The following DLG2 variants were observed in gnomAD, a reference collection of about 807,000 sequenced individuals.
DLG2 encodes discs large MAGUK scaffold protein 2.
DLG2 carries 45 observed loss-of-function variants against 132.5 expected under a neutral mutation model. The ratio of observed to expected loss-of-function variants is 0.34; its 90% CI spans 0.27 to 0.44. The LOEUF is 0.44. DLG2 is among the 20% of genes least tolerant of loss of function. The probability of loss-of-function intolerance (pLI) is 1.00; values close to 1 mark genes in which losing one functional copy is unlikely to be tolerated. For missense variants in DLG2, 1,045 were observed against 1,196.9 expected (o/e 0.87, Z 1.87); for synonymous variants, 424 against 419.6 (o/e 1.01, Z -0.13).
chr11:83,962,763 A>G, intron 14 of DLG2, 122 bp downstream of exon 14: 2 of 1,286,454 alleles, frequency 1.6e-6, no homozygotes, highest in South Asian at 1.5e-5. Context: ...CAAAACTACA[A>G]TAAGGTTGAA....
At chr11:83,946,092 C>A (rs115629247) in intron 14 of DLG2, among the ~76,000 whole-genome samples, 1 of 150,922 alleles carries the variant, frequency 6.6e-6, no homozygotes, top group Non-Finnish European at 1.5e-5. Context: ...CAGGTTCTAG[C>A]AATTCTCCTG....
At chr11:84,190,941 C>T (rs1440448229) in intron 8 of DLG2, among the ~76,000 whole-genome samples, 4 of 152,156 alleles carry the variant, frequency 2.6e-5, no homozygotes, top group African/African-American at 4.8e-5. Context: ...GTATTGCACA[C>T]ATCAAAATAA....
chr11:84,858,049 CA>C (rs1214916508), intron 6 of DLG2, among the ~76,000 whole-genome samples: 1 of 151,932 alleles, frequency 6.6e-6, no homozygotes, highest in Non-Finnish European at 1.5e-5. Flanking sequence ...CATGCCATCA[CA>C]GCTGGCTAAT....
intron 3 of DLG2, among the ~76,000 whole-genome samples, chr11:85,596,777 T>C (rs558381770): frequency 1.2e-4 from 18 of 152,192 alleles, no homozygotes; most frequent in Non-Finnish European, 2.2e-4. Context: ...GATGCACAAG[T>C]CTACATGGCT....
chr11:85,459,040 C>A (rs962123034), intron 3 of DLG2, among the ~76,000 whole-genome samples: 2 of 152,186 alleles, frequency 1.3e-5, no homozygotes, highest in African/African-American at 4.8e-5. Flanking sequence ...TAGGAAGGCC[C>A]GCCTGGTGAT....
intron 17 of DLG2, among the ~76,000 whole-genome samples, chr11:83,807,713 A>C (rs1330860861): frequency 6.6e-6 from 1 of 152,166 alleles, no homozygotes; most frequent in East Asian, 1.9e-4. Flanking sequence ...TAATAAAGAT[A>C]ATACTAGTTA....
chr11:84,237,318 A>G (rs1269857007), intron 8 of DLG2, among the ~76,000 whole-genome samples: 1 of 152,138 alleles, frequency 6.6e-6, no homozygotes, highest in Non-Finnish European at 1.5e-5. Flanking sequence ...AGTATTAGCA[A>G]TTTGCTTTAA....
chr11:85,304,028 A>G (rs1420709031), intron 3 of DLG2, among the ~76,000 whole-genome samples: 1 of 152,196 alleles, frequency 6.6e-6, no homozygotes, highest in African/African-American at 2.4e-5. Context: ...CCTTTTTGTC[A>G]AACAAAATCT....
At chr11:85,208,677 A>C (rs1458548067) in intron 4 of DLG2, among the ~76,000 whole-genome samples, 1 of 152,126 alleles carries the variant, frequency 6.6e-6, no homozygotes, top group Non-Finnish European at 1.5e-5. Context: ...AGCCAGGTTA[A>C]ATGAATTTCA....
chr11:84,803,841 T>C (rs1361958379), intron 6 of DLG2, among the ~76,000 whole-genome samples: 1 of 152,202 alleles, frequency 6.6e-6, no homozygotes, highest in East Asian at 1.9e-4. Context: ...ATCTGAAATG[T>C]TGCTTTCTGA....
At chr11:83,504,445 A>G (rs892346760) in intron 21 of DLG2, among the ~76,000 whole-genome samples, 1 of 152,178 alleles carries the variant, frequency 6.6e-6, no homozygotes, top group Admixed American at 6.5e-5. Flanking sequence ...TCCATTATGA[A>G]GTAGTAGACT....
At chr11:85,604,311 C>T (rs778127623) in intron 2 of DLG2, among the ~76,000 whole-genome samples, 1 of 152,150 alleles carries the variant, frequency 6.6e-6, no homozygotes, top group Non-Finnish European at 1.5e-5. Flanking sequence ...ATGATCATCA[C>T]CTGGAGTCAA....
intron 4 of DLG2, among the ~76,000 whole-genome samples, chr11:85,222,310 T>A (rs552758980): frequency 5.3e-4 from 80 of 152,152 alleles, no homozygotes; most frequent in Non-Finnish European, 1.0e-3. Context: ...TCCTAAGTCA[T>A]AGACCCATTT....
intron 19 of DLG2, among the ~76,000 whole-genome samples, chr11:83,628,550 C>T (rs940748608): frequency 1.4e-4 from 21 of 152,090 alleles, no homozygotes; most frequent in African/African-American, 4.8e-4. Flanking sequence ...GGCAATATCC[C>T]CTGAATCATA....
At chr11:85,388,786 C>G (rs920528907) in intron 3 of DLG2, among the ~76,000 whole-genome samples, 2 of 152,124 alleles carry the variant, frequency 1.3e-5, no homozygotes, top group African/African-American at 4.8e-5. Context: ...AGCCCCATCC[C>G]TAGGAGAAAC....
intron 7 of DLG2, among the ~76,000 whole-genome samples, chr11:84,344,336 G>T (rs1600265835): frequency 6.6e-6 from 1 of 152,190 alleles, no homozygotes; most frequent in Middle Eastern, 3.4e-3. Flanking sequence ...CCTACTATGA[G>T]GGCTTTTGGA....
intron 14 of DLG2, among the ~76,000 whole-genome samples, chr11:83,941,013 C>T (rs1368733497): frequency 1.3e-5 from 2 of 152,192 alleles, no homozygotes; most frequent in Non-Finnish European, 2.9e-5. Context: ...TCATGAGAGA[C>T]GATTCCCTCT....
intron 15 of DLG2, among the ~76,000 whole-genome samples, chr11:83,924,101 C>T (rs949368192): frequency 2.0e-5 from 3 of 151,924 alleles, no homozygotes; most frequent in Non-Finnish European, 4.4e-5. Flanking sequence ...CATCTCTTCC[C>T]TAATCCTACT....
intron 12 of DLG2, among the ~76,000 whole-genome samples, chr11:83,979,873 A>G (rs2154173446): frequency 6.6e-6 from 1 of 152,198 alleles, no homozygotes; most frequent in East Asian, 1.9e-4. Context: ...GCTCTCCCTA[A>G]TAGGAGACAC....
Sources: allele counts gnomAD v4.1 joint callset (sites outside exome capture counted in the v4.1 genomes callset), GRCh38; gene constraint gnomAD v4.1.1; transcripts MANE v1.5; gene names NCBI Gene and HGNC (gene_info 2026-07-23, HGNC 2026-07-21).